Variants in GPR149 observed in about 807,000 individuals in gnomAD.
GPR149 encodes probable G protein-coupled receptor 149.
GPR149 carries 50 observed loss-of-function variants against 50.2 expected under a neutral mutation model. The observed-to-expected ratio is 1.00, with a 90% CI of 0.79 to 1.26. The LOEUF (loss-of-function observed/expected upper bound fraction) is 1.26. Among genes scored for constraint, GPR149 ranks in the 50% most tolerant of loss-of-function variants. GPR149 has a pLI of 0.00. For missense variants in GPR149, 983 were observed against 895.4 expected (o/e 1.10, Z -1.25); for synonymous variants, 405 against 358.2 (o/e 1.13, Z -1.48).
At chr3:154,388,383 T>C (rs936049137) in intron 3 of GPR149, among the ~76,000 whole-genome samples, 3 of 152,124 alleles carry the variant, frequency 2.0e-5, no homozygotes, top group African/African-American at 7.2e-5. Context: ...ATTTTCCTTT[T>C]GCTTTTCCTA....
Position 154,407,119 on chromosome 3 carries a change from T to A in GPR149, c.1623+13920A>T, listed in dbSNP as rs547649854. Among the ~76,000 whole-genome samples the A allele has an allele frequency of 7.2e-5, 11 of 152,222 alleles. No homozygotes were observed. In the South Asian group the frequency reaches 2.1e-3, roughly 29 times the overall value. On this transcript the variant is annotated intron_variant, in intron 3 of 3. Transcript: ENST00000389740. The stretch of plus-strand genomic sequence containing the variant: ...CATGATTCAAGGATCTCCCACTGGG[T>A]CCCTCCCATAACACATGGGAATTAT...
At chr3:154,417,641 T>G (rs1336570342) in intron 3 of GPR149, among the ~76,000 whole-genome samples, 1 of 152,086 alleles carries the variant, frequency 6.6e-6, no homozygotes, top group Non-Finnish European at 1.5e-5. Context: ...AAAGAAGTAG[T>G]GTTTTTATAG....
intron 3 of GPR149, among the ~76,000 whole-genome samples, chr3:154,369,218 C>T (rs1054087063): frequency 3.3e-5 from 5 of 152,106 alleles, no homozygotes; most frequent in Non-Finnish European, 7.4e-5. Flanking sequence ...GGGACAAATT[C>T]GACCCTGAAA....
chr3:154,361,916 T>C (rs887560836), intron 3 of GPR149, among the ~76,000 whole-genome samples: 5 of 152,180 alleles, frequency 3.3e-5, no homozygotes, highest in African/African-American at 1.2e-4. Context: ...ATTAAAAAGA[T>C]ACATTTATAG....
At chr3:154,381,983 C>T (rs1037955556) in intron 3 of GPR149, among the ~76,000 whole-genome samples, 2 of 152,126 alleles carry the variant, frequency 1.3e-5, no homozygotes, top group African/African-American at 4.8e-5. Context: ...TTCTATCATA[C>T]CCTAAATGAT....
chr3:154,357,570 A>T (rs918030881), intron 3 of GPR149, among the ~76,000 whole-genome samples: 1 of 152,180 alleles, frequency 6.6e-6, no homozygotes, highest in Non-Finnish European at 1.5e-5. Context: ...CAGAGAAATG[A>T]AAATCAAAAC....
intron 3 of GPR149, among the ~76,000 whole-genome samples, chr3:154,369,096 G>A (rs1444383539): frequency 6.6e-6 from 1 of 152,172 alleles, no homozygotes; most frequent in Non-Finnish European, 1.5e-5. Context: ...CCTGACCCTC[G>A]GGGGATGCCA....
chr3:154,362,105 T>A (rs1456816740), intron 3 of GPR149, among the ~76,000 whole-genome samples: 1 of 151,858 alleles, frequency 6.6e-6, no homozygotes, highest in Non-Finnish European at 1.5e-5. Flanking sequence ...CTGGCTAACA[T>A]GGTGAAACCC....
intron 3 of GPR149, chr3:154,354,754 G>T (rs186704801): frequency 6.9e-6 from 5 of 725,574 alleles, no homozygotes; most frequent in Non-Finnish European, 1.0e-5. Context: ...CTCCTCCAAG[G>T]GTGTTTTCAG....
chr3:154,362,763 A>C (rs1169779463), intron 3 of GPR149, among the ~76,000 whole-genome samples: 1 of 152,134 alleles, frequency 6.6e-6, no homozygotes, highest in Non-Finnish European at 1.5e-5. Context: ...ATAAATAAAT[A>C]TTCATTTTTG....
At chr3:154,413,823 G>A (rs7615551) in intron 3 of GPR149, among the ~76,000 whole-genome samples, 145,442 of 151,848 alleles carry the variant, frequency 0.96, 69,754 homozygotes, top group East Asian at 1. Context: ...AGAGGAAAAG[G>A]AGTCATTATA....
rs778086829 is a variant in GPR149 at position 154,427,616 on chromosome 3, G to A, written c.1074C>T (p.Thr358=). The stretch of plus-strand genomic sequence containing the variant: ...AGCGTTTGGACAAGACAAACACTGG[G>A]GTTACAGTGGTGGCCAGCAGGGTAA... ...FLLTLLATTV[T]PVFVLSKRWT... Residue 358 remains threonine, a synonymous_variant, in exon 2 of 4, where the codon ACC becomes ACT. Coordinates refer to ENST00000389740, the MANE Select transcript of GPR149 (RefSeq NM_001038705.3). The A allele has an allele frequency of 9.3e-6, 15 of 1,614,092 alleles. No individual in the cohort carries two copies. Among genetic ancestry groups the A allele is most frequent in the Non-Finnish European group, 1.3e-5 (15 of 1,180,038 alleles).
intron 3 of GPR149, chr3:154,353,223 C>A: frequency 6.5e-7 from 1 of 1,530,706 alleles, no homozygotes; most frequent in Admixed American, 1.7e-5. Flanking sequence ...CCTCTGAGAC[C>A]AATGACACTG....
chr3:154,381,178 G>A (rs1268783293), intron 3 of GPR149, among the ~76,000 whole-genome samples: 2 of 152,126 alleles, frequency 1.3e-5, no homozygotes, highest in African/African-American at 4.8e-5. Flanking sequence ...TTTTTTCCAG[G>A]TTAAAATACT....
At chr3:154,396,804 A>G (rs1715303159) in intron 3 of GPR149, among the ~76,000 whole-genome samples, 1 of 151,782 alleles carries the variant, frequency 6.6e-6, no homozygotes, top group African/African-American at 2.4e-5. Flanking sequence ...TCAGACTATC[A>G]GACTGGAGTA....
intron 3 of GPR149, among the ~76,000 whole-genome samples, chr3:154,343,910 T>C (rs184134760): frequency 5.3e-5 from 8 of 151,616 alleles, no homozygotes; most frequent in Admixed American, 2.6e-4. Context: ...GCCCGGGAGA[T>C]AGAGGCTGCA....
intron 3 of GPR149, among the ~76,000 whole-genome samples, chr3:154,409,376 CA>C (rs1711777096): frequency 6.6e-6 from 1 of 151,984 alleles, no homozygotes; most frequent in Non-Finnish European, 1.5e-5. Flanking sequence ...CAAACCAAGA[CA>C]AAATTTCGGA....
chr3:154,389,813 C>T (rs907841563), intron 3 of GPR149, among the ~76,000 whole-genome samples: 1 of 152,208 alleles, frequency 6.6e-6, no homozygotes, highest in Non-Finnish European at 1.5e-5. Flanking sequence ...AGACCAGAAA[C>T]TGTGGTTTGA....
At chr3:154,427,765 G>T in intron 1 of GPR149, 57 bp from the exon 2 acceptor site, 1 of 1,486,640 alleles carries the variant, frequency 6.7e-7, no homozygotes, top group Non-Finnish European at 9.1e-7. Context: ...TACTTCTCAA[G>T]CCTTTTCTCC....
Sources: allele counts gnomAD v4.1 joint callset (sites outside exome capture counted in the v4.1 genomes callset), GRCh38; gene constraint gnomAD v4.1.1; transcripts MANE v1.5; gene names NCBI Gene and HGNC (gene_info 2026-07-23, HGNC 2026-07-21).